The following MEGF6 variants were observed in gnomAD, a reference collection of about 807,000 sequenced individuals.
The protein encoded by MEGF6 is multiple epidermal growth factor-like domains protein 6.
Under a neutral mutation model 207.1 loss-of-function variants are expected in MEGF6, and 184 were observed. That is an observed-to-expected ratio of 0.89 (90% CI 0.79 to 1.00). The LOEUF (loss-of-function observed/expected upper bound fraction) is 1.00, where lower values mean the gene tolerates loss of function less well. Ranked by LOEUF, MEGF6 falls within the 50% of genes least tolerant of loss-of-function variation. The probability of loss-of-function intolerance (pLI) is 0.00; values close to 1 mark genes in which losing one functional copy is unlikely to be tolerated. For synonymous variants in MEGF6, 1,038 were observed against 910.0 expected, an observed-to-expected ratio of 1.14 and a Z score of -2.53; for missense variants, 2,282 against 2,202.9, an observed-to-expected ratio of 1.04 and a Z score of -0.72.
intron 4 of MEGF6, among the ~76,000 whole-genome samples, chr1:3,549,971 G>A (rs1007733013): frequency 9.2e-5 from 14 of 152,096 alleles, no homozygotes; most frequent in African/African-American, 2.4e-4. Context: ...ACCACTTCTC[G>A]CCAGCCCCAA....
intron 26 of MEGF6, chr1:3,497,708 G>A (rs1261394814): frequency 1.1e-5 from 5 of 457,916 alleles, no homozygotes; most frequent in South Asian, 1.8e-5. Context: ...GACAGCAGCC[G>A]GGGCTCAGCA....
At chr1:3,512,448 CTGA>C (rs1641387859) in intron 7 of MEGF6, among the ~76,000 whole-genome samples, 1 of 152,222 alleles carries the variant, frequency 6.6e-6, no homozygotes, top group Non-Finnish European at 1.5e-5. Context: ...CGGCGGGGGC[CTGA>C]TGATATGGTC....
At chr1:3,531,157 C>T (rs1382261319) in intron 4 of MEGF6, 4 of 1,525,860 alleles carry the variant, frequency 2.6e-6, no homozygotes, top group South Asian at 2.4e-5. Context: ...CCAGAGGTAG[C>T]GGTAGTGCGT....
intron 4 of MEGF6, among the ~76,000 whole-genome samples, chr1:3,578,927 T>TCAC (rs1557791109): frequency 2.0e-5 from 3 of 151,262 alleles, no homozygotes; most frequent in African/African-American, 4.9e-5. Context: ...GGCAGGGGTG[T>TCAC]CCTTCACAAA....
At chr1:3,539,279 A>T (rs1323291723) in intron 4 of MEGF6, among the ~76,000 whole-genome samples, 1 of 152,028 alleles carries the variant, frequency 6.6e-6, no homozygotes. Flanking sequence ...TCCCATCAGG[A>T]GGCTGGCCCC....
chr1:3,555,318 G>A (rs1169937867), intron 4 of MEGF6, among the ~76,000 whole-genome samples: 1 of 152,182 alleles, frequency 6.6e-6, no homozygotes, highest in Non-Finnish European at 1.5e-5. Context: ...GAAGCCAGGT[G>A]CCCAAAGGCA....
intron 17 of MEGF6, among the ~76,000 whole-genome samples, chr1:3,504,717 C>G (rs1387147101): frequency 6.6e-6 from 1 of 152,170 alleles, no homozygotes; most frequent in African/African-American, 2.4e-5. Flanking sequence ...GGCTCTGTGC[C>G]TGCTCACACC....
Position 3,505,558 on chromosome 1 carries a change from T to G in MEGF6, c.1919-2A>C. ...GCCCAAAGGCCCACGGCGGGCAGGC[T>G]GCACCCACAGAACCGTTGAGGGGGG... On this transcript the variant is annotated splice_acceptor_variant, in intron 15 of 36. Transcript: ENST00000356575. LOFTEE classifies it high-confidence loss of function. 6.4e-7 allele frequency: 1 copy of G among 1,571,124 alleles called. No individual in the cohort carries two copies. The highest frequency in any genetic ancestry group is 8.6e-7 in the Non-Finnish European group (1 of 1,162,374).
At chr1:3,497,508 C>A (rs1205684102) in intron 26 of MEGF6, 147 bp from the exon 27 acceptor site, 3 of 1,072,878 alleles carry the variant, frequency 2.8e-6, no homozygotes, top group Non-Finnish European at 2.6e-6. Flanking sequence ...ACACCTGGAG[C>A]CCCCCGCCAC....
Position 3,494,504 on chromosome 1 carries a change from G to A in MEGF6, c.4001-5C>T, listed in dbSNP as rs1381345656. ...CGTAGCGCCCAGGGGGACAGGCTGG[G>A]GACAGGGCAGGGTGGGCAGTCCTTC... On this transcript the variant is annotated splice_polypyrimidine_tract_variant and splice_region_variant and intron_variant, in intron 31 of 36. Transcript: ENST00000356575. 5.7e-6 allele frequency: 9 copies of A among 1,587,832 alleles called. No individual in the cohort carries two copies. The highest frequency in any genetic ancestry group is 1.3e-5 in the African/African-American group (1 of 74,532).
At chr1:3,492,246 T>G (rs1297907713) in intron 35 of MEGF6, among the ~76,000 whole-genome samples, 1 of 152,112 alleles carries the variant, frequency 6.6e-6, no homozygotes, top group Non-Finnish European at 1.5e-5. Context: ...TGCACGTGTA[T>G]GGGGGGCAGG....
Position 3,565,554 on chromosome 1 carries a change from C to T in MEGF6, c.481+14271G>A, listed in dbSNP as rs1643320450. On this transcript the variant is annotated intron_variant, in intron 4 of 36. Coordinates refer to ENST00000356575, the MANE Select transcript of MEGF6 (RefSeq NM_001409.4). The surrounding 1 kb of genome is among the most constrained non-coding windows in gnomAD (Gnocchi z 4.8). The stretch of plus-strand genomic sequence containing the variant: ...TGGCTTGAGAGGAGGACGCTTCGTG[C>T]GGGGCTGCCTGGCCTGGCCCTGGAC... 6.6e-6 allele frequency among the ~76,000 whole-genome samples: 1 copy of T among 152,170 alleles called. No individual in the cohort carries two copies. The highest frequency in any genetic ancestry group is 1.5e-5 in the Non-Finnish European group (1 of 68,010).
chr1:3,537,136 G>A (rs934191792), intron 4 of MEGF6, among the ~76,000 whole-genome samples: 3 of 152,260 alleles, frequency 2.0e-5, no homozygotes, highest in Non-Finnish European at 4.4e-5. Context: ...CAGGTTCCTA[G>A]GGGCTCAGGC....
chr1:3,584,839 C>A lies in MEGF6; in HGVS notation c.377-4910G>T, dbSNP rs555978320. 5.1e-4 allele frequency among the ~76,000 whole-genome samples: 77 copies of A among 152,374 alleles called. 1 individual carries two copies. In the South Asian group the frequency reaches 0.016, roughly 32 times the overall value. On this transcript the variant is annotated intron_variant, in intron 3 of 36. Coordinates refer to ENST00000356575, the MANE Select transcript of MEGF6 (RefSeq NM_001409.4). ...CATGGGCGGGTGGTAAGGCCGCTGC[C>A]CTCAGCACCTGCACACCCCCTGGAT...
chr1:3,498,018 G>T (rs1324097976), intron 26 of MEGF6, among the ~76,000 whole-genome samples: 1 of 152,108 alleles, frequency 6.6e-6, no homozygotes, highest in East Asian at 1.9e-4. Context: ...CTGGCAGGAG[G>T]CCCCCAGCCA....
intron 35 of MEGF6, 64 bp downstream of exon 35, chr1:3,492,575 G>T: frequency 6.3e-7 from 1 of 1,587,400 alleles, no homozygotes. Flanking sequence ...TCCTCTGCCA[G>T]GGTGGAGCTG....
rs922040165 is a variant in MEGF6, at chr1:3,508,577, A to G, written c.1641T>C (p.Thr547=). The G allele has an allele frequency of 6.2e-7, 1 of 1,613,362 alleles. No individual in the cohort carries two copies. The highest frequency in any genetic ancestry group is 8.5e-7 in the Non-Finnish European group (1 of 1,179,878). ...CCTCACTCTCATTGCAGATGAGCCC[A>G]GTCCAGCCCTCGGGGCAATCACAGC... ...LDGCDCPEGW[T]GLICNETCPP... Residue 547 remains threonine (T), a synonymous_variant, in exon 13 of 37, where the codon ACT becomes ACC. Transcript: ENST00000356575.
At position 3,567,411 on chromosome 1, in the gene MEGF6, G is replaced by T. The variant is rs1486030937; in HGVS notation, c.481+12414C>A. 2.6e-5 allele frequency among the ~76,000 whole-genome samples: 4 copies of T among 152,254 alleles called. No individual in the cohort carries two copies. In the East Asian group the frequency reaches 7.7e-4, roughly 29 times the overall value. ...CTTGGGCATAGCTCCCCAAAGCCGGGCTGTCAGTGGACTGGCACTGCCAGA... is the reference window on the plus strand; with the variant it reads ...CTTGGGCATAGCTCCCCAAAGCCGGTCTGTCAGTGGACTGGCACTGCCAGA... On this transcript the variant is annotated intron_variant, in intron 4 of 36. Transcript: ENST00000356575.
intron 23 of MEGF6, 136 bp from the exon 24 acceptor site, chr1:3,499,402 G>T: frequency 7.1e-7 from 1 of 1,410,844 alleles, no homozygotes; most frequent in East Asian, 2.5e-5. Flanking sequence ...TCTGGCTCAG[G>T]CCACCCACTC....
Sources: allele counts gnomAD v4.1 joint callset (sites outside exome capture counted in the v4.1 genomes callset), GRCh38; gene constraint gnomAD v4.1.1; non-coding constraint Gnocchi (gnomAD v3.1); transcripts MANE v1.5; gene names NCBI Gene and HGNC (gene_info 2026-07-23, HGNC 2026-07-21).